WDR70: variants seen among roughly 807,000 people sequenced by gnomAD.
WDR70 encodes the protein WD repeat domain 70.
Under a neutral mutation model 88.6 loss-of-function variants are expected in WDR70, and 53 were observed. The ratio of observed to expected loss-of-function variants is 0.60; its 90% CI spans 0.48 to 0.75. WDR70 has a LOEUF of 0.75. Ranked by LOEUF, WDR70 falls within the 30% of genes least tolerant of loss-of-function variation. The probability of loss-of-function intolerance (pLI) is 0.00; values close to 1 mark genes in which losing one functional copy is unlikely to be tolerated. For synonymous variants in WDR70, 280 were observed against 270.0 expected (o/e 1.04, Z -0.36); for missense variants, 610 against 823.2 (o/e 0.74, Z 3.17).
intron 8 of WDR70, among the ~76,000 whole-genome samples, chr5:37,504,436 A>G (rs1740497508): frequency 1.3e-5 from 2 of 152,280 alleles, no homozygotes; most frequent in Admixed American, 6.5e-5. Context: ...TTTAGCTTTT[A>G]CAGATCCTTC....
intron 8 of WDR70, among the ~76,000 whole-genome samples, chr5:37,509,409 A>G (rs2112238844): frequency 6.6e-6 from 1 of 151,104 alleles, no homozygotes; most frequent in East Asian, 1.9e-4. Flanking sequence ...TTCTAATTTA[A>G]TTCTCTTATG....
intron 17 of WDR70, among the ~76,000 whole-genome samples, chr5:37,734,992 A>C (rs1251826055): frequency 6.6e-6 from 1 of 152,142 alleles, no homozygotes; most frequent in African/African-American, 2.4e-5. Context: ...ATGTACCCTC[A>C]AACTGTTTTG....
intron 10 of WDR70, among the ~76,000 whole-genome samples, chr5:37,634,907 A>G (rs1397982143): frequency 6.6e-6 from 1 of 152,140 alleles, no homozygotes; most frequent in African/African-American, 2.4e-5. Context: ...CAGGTCCATA[A>G]CCAACTCAGT....
chr5:37,746,492 T>G (rs1048104622), intron 17 of WDR70, among the ~76,000 whole-genome samples: 2 of 152,102 alleles, frequency 1.3e-5, no homozygotes, highest in African/African-American at 4.8e-5. Context: ...GAGCTGGTGT[T>G]TTGAAAACAT....
chr5:37,718,428 A>T (rs1338862254), intron 13 of WDR70, among the ~76,000 whole-genome samples: 1 of 152,158 alleles, frequency 6.6e-6, no homozygotes, highest in East Asian at 1.9e-4. Context: ...ATATTTGAGA[A>T]CTAGTAATCT....
At chr5:37,391,005 T>C (rs1004847326) in intron 3 of WDR70, among the ~76,000 whole-genome samples, 2 of 152,154 alleles carry the variant, frequency 1.3e-5, no homozygotes, top group African/African-American at 4.8e-5. Flanking sequence ...CATGAGCCAC[T>C]GCGCCTGGCC....
At chr5:37,463,795 A>G (rs1186747993) in intron 7 of WDR70, among the ~76,000 whole-genome samples, 2 of 152,218 alleles carry the variant, frequency 1.3e-5, no homozygotes, top group African/African-American at 2.4e-5. Flanking sequence ...ACTGTGTCTA[A>G]TGACTCTTAA....
chr5:37,457,171 C>G (rs747547057), intron 7 of WDR70, among the ~76,000 whole-genome samples: 1 of 152,054 alleles, frequency 6.6e-6, no homozygotes, highest in African/African-American at 2.4e-5. Flanking sequence ...TCTTGGCTCA[C>G]CACAACCTCC....
rs1308722384 is a variant in WDR70 at position 37,740,242 on chromosome 5, A to G, written c.1878-12244A>G. 3.3e-5 allele frequency among the ~76,000 whole-genome samples: 5 copies of G among 152,338 alleles called. No individual in the cohort carries two copies. The East Asian group carries it at 9.6e-4, about 29-fold the overall frequency. On this transcript the variant is annotated intron_variant, in intron 17 of 17. Coordinates refer to ENST00000265107, the MANE Select transcript of WDR70 (RefSeq NM_018034.4). Reference sequence around the variant, plus strand: ...TTTTGATAAAGTGGTGACTAAAGAAATCCATTTAAAATGTCCTAGATAGCT... The same window carrying G: ...TTTTGATAAAGTGGTGACTAAAGAAGTCCATTTAAAATGTCCTAGATAGCT...
intron 9 of WDR70, 117 bp downstream of exon 9, chr5:37,516,707 A>T (rs13176408): frequency 0.33 from 69,184 of 212,798 alleles, 11,786 homozygotes; most frequent in East Asian, 0.49. Flanking sequence ...AATTCTTATT[A>T]TATACATATA....
chr5:37,559,844 T>G (rs1276142030), intron 9 of WDR70, among the ~76,000 whole-genome samples: 2 of 111,328 alleles, frequency 1.8e-5, no homozygotes, highest in African/African-American at 6.5e-5. Context: ...AAATTCAGTA[T>G]AAAAAAAAAA....
rs1378575958 is a variant in WDR70, at chr5:37,391,282, TATAAA to T, written c.176-714_176-710del. Among the ~76,000 whole-genome samples, 7 of 152,296 alleles carry T rather than the reference TATAAA, an allele frequency of 4.6e-5. No individual in the cohort carries two copies. The East Asian group carries it at 5.8e-4, about 13-fold the overall frequency. On this transcript the variant is annotated intron_variant, in intron 3 of 17. Transcript: ENST00000265107. ...TTTTTTTTCTAATTTTAAAAATTGT[TATAAA>T]ATACACATAAAATGTACCATCTTAA...
intron 5 of WDR70, among the ~76,000 whole-genome samples, chr5:37,419,421 G>A (rs780409285): frequency 4.1e-4 from 61 of 150,508 alleles, no homozygotes; most frequent in Non-Finnish European, 7.3e-4. Flanking sequence ...GGCCAGGCTG[G>A]TCTTGAACTC....
chr5:37,602,701 G>A (rs1020915138), intron 9 of WDR70, among the ~76,000 whole-genome samples: 6 of 150,960 alleles, frequency 4.0e-5, no homozygotes, highest in East Asian at 2.0e-4. Flanking sequence ...CAAATAGGCC[G>A]GGTGCGGTGG....
chr5:37,699,748 G>C (rs1747095968), intron 11 of WDR70, among the ~76,000 whole-genome samples: 1 of 151,934 alleles, frequency 6.6e-6, no homozygotes, highest in Non-Finnish European at 1.5e-5. Flanking sequence ...AGGAGTTTGA[G>C]ACCAGCCTGG....
At chr5:37,567,136 T>C (rs1326947294) in intron 9 of WDR70, among the ~76,000 whole-genome samples, 1 of 152,172 alleles carries the variant, frequency 6.6e-6, no homozygotes, top group Non-Finnish European at 1.5e-5. Context: ...GCTGAAACAG[T>C]GCCCTTGCTG....
At chr5:37,565,088 C>T (rs1742698916) in intron 9 of WDR70, among the ~76,000 whole-genome samples, 1 of 152,036 alleles carries the variant, frequency 6.6e-6, no homozygotes, top group Non-Finnish European at 1.5e-5. Context: ...TATATAACAA[C>T]AAAAGATGAA....
At chr5:37,441,249 T>C (rs1750644756) in intron 6 of WDR70, among the ~76,000 whole-genome samples, 2 of 152,230 alleles carry the variant, frequency 1.3e-5, no homozygotes, top group South Asian at 4.1e-4. Flanking sequence ...CATTTATTTT[T>C]GTTTTTGATT....
intron 7 of WDR70, among the ~76,000 whole-genome samples, chr5:37,470,758 T>A (rs2112132034): frequency 6.6e-6 from 1 of 152,306 alleles, no homozygotes; most frequent in South Asian, 2.1e-4. Context: ...TTGGGGCTAT[T>A]ATGAGTAGTT....
Sources: allele counts gnomAD v4.1 joint callset (sites outside exome capture counted in the v4.1 genomes callset), GRCh38; gene constraint gnomAD v4.1.1; transcripts MANE v1.5; gene names NCBI Gene and HGNC (gene_info 2026-07-23, HGNC 2026-07-21).